Variants in HSD17B12 observed in about 807,000 individuals in gnomAD.
HSD17B12 encodes the protein hydroxysteroid 17-beta dehydrogenase 12.
Under a neutral mutation model 39.3 loss-of-function variants are expected in HSD17B12, and 32 were observed. The ratio of observed to expected loss-of-function variants is 0.81; its 90% CI spans 0.61 to 1.09. The LOEUF (loss-of-function observed/expected upper bound fraction) is 1.09, where lower values mean the gene tolerates loss of function less well. Ranked by LOEUF, HSD17B12 falls within the 50% of genes least tolerant of loss-of-function variation. The pLI, the probability that HSD17B12 is intolerant of heterozygous loss-of-function variation, is 0.00. For synonymous variants in HSD17B12, 150 were observed against 146.7 expected, an observed-to-expected ratio of 1.02 and a Z score of -0.16; for missense variants, 342 against 382.9, an observed-to-expected ratio of 0.89 and a Z score of 0.89.
intron 4 of HSD17B12, among the ~76,000 whole-genome samples, chr11:43,800,030 A>G (rs908080575): frequency 6.6e-6 from 1 of 152,218 alleles, no homozygotes. Context: ...AAATATATGT[A>G]TTGCTGGGAG....
chr11:43,792,869 T>G (rs1483966218), intron 3 of HSD17B12, among the ~76,000 whole-genome samples: 2 of 152,014 alleles, frequency 1.3e-5, no homozygotes, highest in Admixed American at 1.3e-4. Context: ...ATACATACAT[T>G]TCTTACCAGC....
the HSD17B12 span, among the ~76,000 whole-genome samples, chr11:43,663,617 C>G: frequency 5.3e-5 from 8 of 152,114 alleles, no homozygotes; most frequent in Admixed American, 4.6e-4. Context: ...CATTTTAAAC[C>G]ATGTTTTCTG....
At chr11:43,570,386 T>A in the HSD17B12 span, 3 of 152,210 alleles carry the variant, frequency 2.0e-5, no homozygotes, top group Non-Finnish European at 4.4e-5. Flanking sequence ...TAAATTTGCA[T>A]TTCATTCAAC....
At chr11:43,599,938 A>C in the HSD17B12 span, among the ~76,000 whole-genome samples, 1 of 152,150 alleles carries the variant, frequency 6.6e-6, no homozygotes, top group Non-Finnish European at 1.5e-5. Context: ...TATCCCTTCT[A>C]ATGTTAAGAA....
intron 1 of HSD17B12, among the ~76,000 whole-genome samples, chr11:43,746,629 C>T (rs1276914484): frequency 6.6e-6 from 1 of 152,192 alleles, no homozygotes; most frequent in Non-Finnish European, 1.5e-5. Flanking sequence ...AAGGAGTATA[C>T]TCTAATGTGA....
At chr11:43,818,534 C>T (rs1383130633) in intron 6 of HSD17B12, among the ~76,000 whole-genome samples, 1 of 152,164 alleles carries the variant, frequency 6.6e-6, no homozygotes, top group Admixed American at 6.6e-5. Context: ...GTGTCAGATA[C>T]TTGAAATTTG....
intron 1 of HSD17B12, among the ~76,000 whole-genome samples, chr11:43,693,426 G>A (rs768361625): frequency 1.3e-5 from 2 of 152,176 alleles, no homozygotes; most frequent in African/African-American, 4.8e-5. Flanking sequence ...TTAAAGAAAT[G>A]ATATGTACCT....
Position 43,855,279 on chromosome 11 carries a change from A to G in HSD17B12, c.*31A>G, listed in dbSNP as rs11037684. ...GATAACTGCATTGTAACTTGGCCAG[A>G]TGCTCCAGCATATGCACGTTCACTG... On this transcript the variant is annotated 3_prime_UTR_variant, in exon 11 of 11. Transcript: ENST00000278353. 0.06 allele frequency: 83,890 copies of G among 1,393,056 alleles called. 2,683 individuals are homozygous for G. Among genetic ancestry groups the G allele is most frequent in the African/African-American group, 0.078 (5,437 of 69,518 alleles). 86.3% of individuals were successfully genotyped at this position (1,393,056 alleles called of 1,614,324 possible).
At chr11:43,660,898 G>A in the HSD17B12 span, among the ~76,000 whole-genome samples, 1 of 152,310 alleles carries the variant, frequency 6.6e-6, no homozygotes, top group East Asian at 1.9e-4. Context: ...GCTGAGGCAG[G>A]TGGATTACCT....
the HSD17B12 span, chr11:43,673,487 C>CTTTTT: frequency 8.5e-5 from 6 of 70,372 alleles, no homozygotes; most frequent in South Asian, 5.5e-4. Flanking sequence ...CTTTTCTTTT[C>CTTTTT]TTTTCTTTTT....
At chr11:43,561,580 C>A in the HSD17B12 span, among the ~76,000 whole-genome samples, 1 of 152,146 alleles carries the variant, frequency 6.6e-6, no homozygotes, top group Non-Finnish European at 1.5e-5. Flanking sequence ...AGACTATGGA[C>A]CCTCCATCGT....
chr11:43,732,002 C>G (rs1340159616), intron 1 of HSD17B12, among the ~76,000 whole-genome samples: 1 of 152,084 alleles, frequency 6.6e-6, no homozygotes. Flanking sequence ...TTGGCTGTGT[C>G]CCCCCTGACC....
the HSD17B12 span, among the ~76,000 whole-genome samples, chr11:43,613,130 A>G: frequency 6.6e-6 from 1 of 152,206 alleles, no homozygotes; most frequent in African/African-American, 2.4e-5. Flanking sequence ...TTGGCCGGGC[A>G]CAGTGGCTCA....
At chr11:43,709,226 A>G (rs1950042959) in intron 1 of HSD17B12, among the ~76,000 whole-genome samples, 1 of 152,198 alleles carries the variant, frequency 6.6e-6, no homozygotes, top group South Asian at 2.1e-4. Flanking sequence ...CCCAGGTTCA[A>G]GTGATTCTCC....
At chr11:43,680,721 G>A (rs185350380), upstream of HSD17B12, 40 of 997,172 alleles carry the variant, frequency 4.0e-5, no homozygotes, top group Admixed American at 9.0e-5. Flanking sequence ...AGTGGTGTCG[G>A]AGCAGCGCCT....
chr11:43,562,191 T>C, the HSD17B12 span, among the ~76,000 whole-genome samples: 2 of 152,272 alleles, frequency 1.3e-5, no homozygotes, highest in South Asian at 2.1e-4. Flanking sequence ...TTCTGTAATA[T>C]GTGTGTGCAC....
the HSD17B12 span, among the ~76,000 whole-genome samples, chr11:43,596,465 C>T: frequency 1.3e-5 from 2 of 152,112 alleles, no homozygotes; most frequent in African/African-American, 4.8e-5. Flanking sequence ...CAGGGTCTCG[C>T]TCTGTTGCCC....
intron 6 of HSD17B12, among the ~76,000 whole-genome samples, chr11:43,827,214 T>TA (rs1951252147): frequency 1.3e-5 from 2 of 152,208 alleles, no homozygotes; most frequent in Non-Finnish European, 2.9e-5. Context: ...CCATGTGTAT[T>TA]ATGATAATAC....
In HSD17B12 at chr11:43,801,932, T is replaced by C. The variant is rs772622248; in HGVS notation, c.391+3505T>C. ...CACAAGCCACAGTAATTTTAGCTTTTCTAATAGCCACATTTTTTAAAGTAA... is the reference window on the plus strand; with the variant it reads ...CACAAGCCACAGTAATTTTAGCTTTCCTAATAGCCACATTTTTTAAAGTAA... On this transcript the variant is annotated intron_variant, in intron 4 of 10. Transcript: ENST00000278353. Among the ~76,000 whole-genome samples the C allele has an allele frequency of 4.5e-4, 68 of 152,126 alleles. 1 individual carries two copies. The highest frequency in any genetic ancestry group is 9.6e-4 in the Non-Finnish European group (65 of 68,012).
Sources: allele counts gnomAD v4.1 joint callset (sites outside exome capture counted in the v4.1 genomes callset), GRCh38; gene constraint gnomAD v4.1.1; transcripts MANE v1.5; gene names NCBI Gene and HGNC (gene_info 2026-07-23, HGNC 2026-07-21).